CDH11: variants seen among roughly 807,000 people sequenced by gnomAD.
CDH11 encodes the protein cadherin-11.
Under a neutral mutation model 67.8 loss-of-function variants are expected in CDH11, and 11 were observed. The observed-to-expected ratio is 0.16, with a 90% CI of 0.10 to 0.27. The LOEUF is 0.27. Ranked by LOEUF, CDH11 falls within the 10% of genes least tolerant of loss-of-function variation. The probability of loss-of-function intolerance (pLI) is 1.00; values close to 1 mark genes in which losing one functional copy is unlikely to be tolerated. For synonymous variants in CDH11, 419 were observed against 400.0 expected (o/e 1.05, Z -0.57); for missense variants, 847 against 1,031.2 (o/e 0.82, Z 2.45).
At chr16:65,002,972 C>G (rs974555583) in intron 3 of CDH11, among the ~76,000 whole-genome samples, 2 of 148,056 alleles carry the variant, frequency 1.4e-5, no homozygotes, top group African/African-American at 5.0e-5. Context: ...CTCTTTTCCA[C>G]TAGACCTCTT....
At chr16:64,962,475 T>C (rs185165287) in intron 11 of CDH11, among the ~76,000 whole-genome samples, 1 of 151,846 alleles carries the variant, frequency 6.6e-6, no homozygotes, top group East Asian at 1.9e-4. Flanking sequence ...AGTGCTGGGG[T>C]AGAAAAACCT....
intron 2 of CDH11, among the ~76,000 whole-genome samples, chr16:65,045,328 A>AATATATATATATAT (rs1182728954): frequency 2.2e-5 from 1 of 46,110 alleles, no homozygotes; most frequent in Non-Finnish European, 4.8e-5. Flanking sequence ...TTCCCTCAAA[A>AATATATATATATAT]GTATATATAT....
At chr16:65,084,506 A>C (rs1175227828) in intron 1 of CDH11, among the ~76,000 whole-genome samples, 3 of 152,038 alleles carry the variant, frequency 2.0e-5, no homozygotes, top group Non-Finnish European at 2.9e-5. Flanking sequence ...TTAAAAAAAA[A>C]TGTTTAAATG....
chr16:64,968,758 G>A (rs1474322402), intron 11 of CDH11, among the ~76,000 whole-genome samples: 1 of 152,162 alleles, frequency 6.6e-6, no homozygotes, highest in African/African-American at 2.4e-5. Context: ...TACTCAGCAT[G>A]ATATAAACCA....
intron 1 of CDH11, among the ~76,000 whole-genome samples, chr16:65,056,559 C>T (rs1409692978): frequency 6.6e-6 from 1 of 152,150 alleles, no homozygotes; most frequent in Non-Finnish European, 1.5e-5. Context: ...AAGATATTTG[C>T]CATGTATCTC....
intron 2 of CDH11, among the ~76,000 whole-genome samples, chr16:65,033,630 G>A (rs562077529): frequency 4.0e-5 from 6 of 151,812 alleles, no homozygotes; most frequent in South Asian, 2.1e-4. Flanking sequence ...CCAGCTACTC[G>A]GGAGGCTGAG....
upstream of CDH11, chr16:65,122,237 G>T: frequency 2.1e-6 from 1 of 474,604 alleles, no homozygotes; most frequent in Non-Finnish European, 3.7e-6. Flanking sequence ...GCCTCGCAGA[G>T]GCTGCGGGGG....
intron 11 of CDH11, among the ~76,000 whole-genome samples, chr16:64,954,695 C>G (rs193285948): frequency 7.1e-4 from 108 of 152,246 alleles, no homozygotes; most frequent in Non-Finnish European, 1.4e-3. Context: ...CCTTTAGATC[C>G]AGGTTGTTCC....
chr16:65,097,461 C>T (rs1399252828), intron 1 of CDH11, among the ~76,000 whole-genome samples: 3 of 152,308 alleles, frequency 2.0e-5, no homozygotes, highest in Admixed American at 6.5e-5. Flanking sequence ...CACTTTGGGT[C>T]GGATGACTGT....
Position 64,943,873 on chromosome 16 carries a change from C to G in CDH11, c.*3730G>C, listed in dbSNP as rs1181876819. The G allele has an allele frequency of 4.4e-6, 1 of 228,576 alleles. No homozygotes were observed. Among genetic ancestry groups the G allele is most frequent in the Non-Finnish European group, 8.7e-6 (1 of 115,216 alleles). 14.2% of individuals were successfully genotyped at this position (228,576 alleles called of 1,614,324 possible). On this transcript the variant is annotated 3_prime_UTR_variant, in exon 13 of 13. Transcript: ENST00000268603. ...TCCCTGCCCTCATGGAGCTTACATT[C>G]TAGTGGGGCAGTCAGTCCCACCCAC...
intron 2 of CDH11, among the ~76,000 whole-genome samples, chr16:65,044,993 C>T (rs895364117): frequency 7.2e-5 from 11 of 151,938 alleles, no homozygotes; most frequent in African/African-American, 2.7e-4. Context: ...CTTGTGTGGG[C>T]ACCGGTTCCA....
intron 1 of CDH11, among the ~76,000 whole-genome samples, chr16:65,065,877 C>T (rs1469832998): frequency 6.6e-6 from 1 of 152,202 alleles, no homozygotes; most frequent in Non-Finnish European, 1.5e-5. Flanking sequence ...ATAGCCAAGC[C>T]TGCTATGTTC....
chr16:65,027,193 T>C (rs915906174), intron 2 of CDH11, among the ~76,000 whole-genome samples: 1 of 152,230 alleles, frequency 6.6e-6, no homozygotes, highest in African/African-American at 2.4e-5. Flanking sequence ...GGGACAATTC[T>C]GTTCTGGACA....
chr16:64,948,208 C>G (rs919926783), intron 12 of CDH11, 109 bp from the exon 13 acceptor site: 7 of 1,375,512 alleles, frequency 5.1e-6, no homozygotes, highest in South Asian at 1.4e-5. Flanking sequence ...ATGCTCAGAA[C>G]AGGAAACAGT....
At chr16:64,997,947 A>T (rs1050153012) in intron 4 of CDH11, among the ~76,000 whole-genome samples, 14 of 152,250 alleles carry the variant, frequency 9.2e-5, no homozygotes, top group Non-Finnish European at 1.3e-4. Flanking sequence ...CAAAAGAAAC[A>T]TTATGCAAAT....
intron 1 of CDH11, among the ~76,000 whole-genome samples, chr16:65,062,303 C>T (rs1442510410): frequency 2.0e-5 from 3 of 152,186 alleles, no homozygotes; most frequent in African/African-American, 7.2e-5. Context: ...AAGAAATCCG[C>T]TTATTTGCAA....
chr16:65,015,718 A>G (rs2073292522), intron 2 of CDH11, among the ~76,000 whole-genome samples: 2 of 152,190 alleles, frequency 1.3e-5, no homozygotes, highest in African/African-American at 4.8e-5. Context: ...AACAATCTGC[A>G]TATTCTCCCT....
intron 11 of CDH11, among the ~76,000 whole-genome samples, chr16:64,959,830 T>TA (rs2071623368): frequency 6.6e-6 from 1 of 152,182 alleles, no homozygotes; most frequent in Admixed American, 6.5e-5. Flanking sequence ...GTGCTGCTCA[T>TA]AAAAAATGTC....
At chr16:65,059,707 G>A (rs1008508637) in intron 1 of CDH11, 135 of 152,334 alleles carry the variant, frequency 8.9e-4, no homozygotes, top group African/African-American at 3.2e-3. Flanking sequence ...CTTGACAACT[G>A]AAGCCAGGGA....
Sources: allele counts gnomAD v4.1 joint callset (sites outside exome capture counted in the v4.1 genomes callset), GRCh38; gene constraint gnomAD v4.1.1; transcripts MANE v1.5; gene names NCBI Gene and HGNC (gene_info 2026-07-23, HGNC 2026-07-21).